The following ATP8A1 variants were observed in gnomAD, a reference collection of about 807,000 sequenced individuals.
ATP8A1 encodes ATPase phospholipid transporting 8A1.
In ATP8A1, 90 loss-of-function variants were observed where a neutral mutation model predicts 177.7. The ratio of observed to expected loss-of-function variants is 0.51; its 90% CI spans 0.43 to 0.60. ATP8A1 has a LOEUF of 0.60. ATP8A1 is among the 20% of genes least tolerant of loss of function. ATP8A1 has a pLI of 0.00. For synonymous variants in ATP8A1, 493 were observed against 485.9 expected, an observed-to-expected ratio of 1.01 and a Z score of -0.19; for missense variants, 1,072 against 1,392.8, an observed-to-expected ratio of 0.77 and a Z score of 3.67.
At chr4:42,538,327 A>T (rs1460208927) in intron 20 of ATP8A1, among the ~76,000 whole-genome samples, 1 of 152,154 alleles carries the variant, frequency 6.6e-6, no homozygotes, top group East Asian at 1.9e-4. Context: ...AGAAGATAAT[A>T]TCAGAAAAAC....
chr4:42,468,369 T>A (rs1720014716), intron 25 of ATP8A1, among the ~76,000 whole-genome samples: 1 of 152,118 alleles, frequency 6.6e-6, no homozygotes, highest in Non-Finnish European at 1.5e-5. Flanking sequence ...AACTGTGGTA[T>A]GTGTGTATAT....
At chr4:42,577,120 G>T (rs1044600681) in intron 12 of ATP8A1, among the ~76,000 whole-genome samples, 2 of 152,122 alleles carry the variant, frequency 1.3e-5, no homozygotes, top group African/African-American at 4.8e-5. Context: ...TAAGCCTGCT[G>T]GGTTCATCCA....
At chr4:42,549,123 T>C in intron 18 of ATP8A1, 61 bp from the exon 19 acceptor site, 1 of 1,367,316 alleles carries the variant, frequency 7.3e-7, no homozygotes, top group East Asian at 2.3e-5. Flanking sequence ...TTCTAGGAAA[T>C]AAATCCTAGC....
intron 33 of ATP8A1, among the ~76,000 whole-genome samples, chr4:42,423,960 A>G (rs1033945767): frequency 1.1e-4 from 16 of 152,164 alleles, no homozygotes; most frequent in Admixed American, 9.2e-4. Context: ...TAAATTTACT[A>G]TTTCTGGCAA....
intron 36 of ATP8A1, among the ~76,000 whole-genome samples, chr4:42,414,068 G>A (rs1577883029): frequency 8.5e-6 from 1 of 117,296 alleles, no homozygotes; most frequent in Admixed American, 9.4e-5. Flanking sequence ...ATGAGTATAC[G>A]TAAGTGAAAA....
At chr4:42,457,173 TAAAC>T (rs774385871) in intron 27 of ATP8A1, among the ~76,000 whole-genome samples, 14 of 152,214 alleles carry the variant, frequency 9.2e-5, no homozygotes, top group Non-Finnish European at 1.8e-4. Flanking sequence ...TAATTTGCCC[TAAAC>T]AAACAGCCAG....
chr4:42,478,723 G>A (rs1159498929), intron 25 of ATP8A1, among the ~76,000 whole-genome samples: 21 of 152,280 alleles, frequency 1.4e-4, no homozygotes, highest in African/African-American at 4.1e-4. Context: ...CGCAGTGACC[G>A]AGCAGGGTCA....
At chr4:42,616,179 G>A in intron 4 of ATP8A1, 101 bp from the exon 5 acceptor site, 2 of 1,009,626 alleles carry the variant, frequency 2.0e-6, no homozygotes, top group Middle Eastern at 2.7e-4. Flanking sequence ...TGTTTCTCAA[G>A]GTTTTTATCA....
intron 24 of ATP8A1, among the ~76,000 whole-genome samples, chr4:42,498,810 T>C (rs559258329): frequency 6.6e-6 from 1 of 152,306 alleles, no homozygotes; most frequent in South Asian, 2.1e-4. Context: ...TTATTCTTGT[T>C]TTACAAATGT....
chr4:42,595,426 T>C lies in ATP8A1; in HGVS notation c.451-4542A>G, dbSNP rs542905405. Among the ~76,000 whole-genome samples the C allele has an allele frequency of 3.3e-5, 5 of 152,300 alleles. No individual in the cohort carries two copies. The East Asian group carries it at 9.6e-4, about 29-fold the overall frequency. ...TTTATTTATGACACGTATGCTTAAG[T>C]TCTGGGTCCCTTGATTCAAAAAATA... On this transcript the variant is annotated intron_variant, in intron 6 of 36. Coordinates refer to ENST00000381668, the MANE Select transcript of ATP8A1 (RefSeq NM_006095.2).
At chr4:42,573,901 A>T (rs1374245586) in intron 14 of ATP8A1, among the ~76,000 whole-genome samples, 1 of 152,206 alleles carries the variant, frequency 6.6e-6, no homozygotes, top group Non-Finnish European at 1.5e-5. Context: ...AAGTTTGACA[A>T]TAGGCCAATG....
chr4:42,467,679 C>T (rs1436990560), intron 25 of ATP8A1, among the ~76,000 whole-genome samples: 19 of 152,186 alleles, frequency 1.2e-4, no homozygotes, highest in Admixed American at 4.6e-4. Flanking sequence ...GGTGACAGAG[C>T]GGGACTCCAT....
chr4:42,488,252 T>A (rs555786318), intron 24 of ATP8A1, among the ~76,000 whole-genome samples: 1 of 152,282 alleles, frequency 6.6e-6, no homozygotes, highest in East Asian at 1.9e-4. Flanking sequence ...CTTGCTACCA[T>A]CCTGAGCAGG....
chr4:42,507,790 A>C (rs1232756561), intron 22 of ATP8A1, among the ~76,000 whole-genome samples: 2 of 133,400 alleles, frequency 1.5e-5, no homozygotes, highest in African/African-American at 2.6e-5. Flanking sequence ...TAAAAAAAAA[A>C]AAAAAAAAAA....
intron 19 of ATP8A1, among the ~76,000 whole-genome samples, chr4:42,548,742 T>C (rs963346736): frequency 6.6e-6 from 1 of 152,158 alleles, no homozygotes; most frequent in African/African-American, 2.4e-5. Context: ...GTATCTATCA[T>C]TCTACTCTTT....
chr4:42,545,584 G>T (rs534722145), intron 19 of ATP8A1, among the ~76,000 whole-genome samples: 31 of 152,256 alleles, frequency 2.0e-4, no homozygotes, highest in Non-Finnish European at 3.7e-4. Context: ...ACTGTGCAGG[G>T]CTACAGCACA....
rs570078090 is a variant in ATP8A1, at chr4:42,589,094, G to A, written c.525-765C>T. 1.3e-4 allele frequency among the ~76,000 whole-genome samples: 20 copies of A among 152,210 alleles called. No individual in the cohort carries two copies. In the South Asian group the frequency reaches 3.3e-3, roughly 25 times the overall value. On this transcript the variant is annotated intron_variant, in intron 7 of 36. Coordinates refer to ENST00000381668, the MANE Select transcript of ATP8A1 (RefSeq NM_006095.2). ...ATCTGGTGTGTGGCGGCTGGCCTAA[G>A]GGGTCCATGTTCTCCAGTTTTATCA...
At chr4:42,626,130 C>G (rs1401742730) in intron 2 of ATP8A1, 1 of 152,702 alleles carries the variant, frequency 6.5e-6, no homozygotes, top group African/African-American at 2.4e-5. Flanking sequence ...AACAGAGATG[C>G]CTTTCCTGGA....
chr4:42,536,905 C>A (rs1727884837), intron 20 of ATP8A1, among the ~76,000 whole-genome samples: 1 of 151,986 alleles, frequency 6.6e-6, no homozygotes, highest in Admixed American at 6.6e-5. Flanking sequence ...CCAAGGCGGG[C>A]AGATGACCTG....
Sources: gnomAD v4.1 joint callset for allele counts (sites outside exome capture counted in the v4.1 genomes callset) on GRCh38, gnomAD v4.1.1 for gene constraint, MANE v1.5 for transcripts, NCBI Gene and HGNC (gene_info 2026-07-23, HGNC 2026-07-21) for gene names.